MEIKIN: variants seen among roughly 807,000 people sequenced by gnomAD.
The protein encoded by MEIKIN is meiotic kinetochore factor, also known as meiosis-specific kinetochore protein.
rs149826644 is a variant in MEIKIN, at chr5:131,922,013, C to G, written c.479-72G>C. The G allele has an allele frequency of 2.9e-3, 1,143 of 397,226 alleles. 43 individuals are homozygous for G. In the Admixed American group the frequency reaches 0.046, roughly 16 times the overall value. 24.6% of individuals were successfully genotyped at this position (397,226 alleles called of 1,614,324 possible). The stretch of plus-strand genomic sequence containing the variant: ...ACAAATGATGGGTTACTCCCTACCC[C>G]ACCTTAGGCCCCCAGCCCATACTAA... On this transcript the variant is annotated intron_variant, in intron 5 of 12. Coordinates refer to ENST00000442687, the MANE Select transcript of MEIKIN (RefSeq NM_001303622.2).
At chr5:131,825,140 C>T (rs576332993) in intron 11 of MEIKIN, among the ~76,000 whole-genome samples, 10 of 152,110 alleles carry the variant, frequency 6.6e-5, no homozygotes, top group Admixed American at 1.3e-4. Context: ...GTCAAGGATA[C>T]GGTGATCCAT....
intron 3 of MEIKIN, among the ~76,000 whole-genome samples, chr5:131,943,624 T>A (rs1362358739): frequency 6.6e-6 from 1 of 152,226 alleles, no homozygotes; most frequent in Non-Finnish European, 1.5e-5. Context: ...CTGGTCATTT[T>A]TTTTAAAGCA....
chr5:131,933,437 T>C (rs185659766), intron 5 of MEIKIN, 76 bp downstream of exon 5: 1 of 391,054 alleles, frequency 2.6e-6, no homozygotes, highest in East Asian at 3.6e-5. Flanking sequence ...AAAGGGACGT[T>C]TATTCATTGG....
intron 9 of MEIKIN, among the ~76,000 whole-genome samples, chr5:131,872,796 T>A (rs961763887): frequency 2.6e-5 from 4 of 152,196 alleles, no homozygotes; most frequent in African/African-American, 9.6e-5. Context: ...TAACAGCTGA[T>A]CTCTCGGCAG....
At chr5:131,894,408 G>T (rs539426264) in intron 8 of MEIKIN, among the ~76,000 whole-genome samples, 107 of 152,218 alleles carry the variant, frequency 7.0e-4, no homozygotes, top group Non-Finnish European at 1.1e-3. Context: ...ATATGAACTT[G>T]AAAGTAGTTT....
At chr5:131,885,892 G>C (rs1215712831) in intron 8 of MEIKIN, among the ~76,000 whole-genome samples, 1 of 152,090 alleles carries the variant, frequency 6.6e-6, no homozygotes, top group Non-Finnish European at 1.5e-5. Context: ...GCTGTTTTGA[G>C]GAAATTCAAA....
At chr5:131,815,766 T>C (rs1180896491) in intron 12 of MEIKIN, among the ~76,000 whole-genome samples, 1 of 152,182 alleles carries the variant, frequency 6.6e-6, no homozygotes, top group Non-Finnish European at 1.5e-5. Context: ...AATGGAAAAC[T>C]ACAACAACCC....
At chr5:131,840,628 T>C (rs1749889020) in intron 11 of MEIKIN, among the ~76,000 whole-genome samples, 1 of 152,246 alleles carries the variant, frequency 6.6e-6, no homozygotes, top group Non-Finnish European at 1.5e-5. Flanking sequence ...TTCCTCAGCC[T>C]GGTCTATTCT....
intron 8 of MEIKIN, among the ~76,000 whole-genome samples, chr5:131,896,279 T>C (rs1188930502): frequency 6.6e-6 from 1 of 152,216 alleles, no homozygotes; most frequent in Non-Finnish European, 1.5e-5. Flanking sequence ...TTCTTTTTCA[T>C]GTGCTGAGGA....
chr5:131,916,501 G>A (rs1299111774), intron 7 of MEIKIN, among the ~76,000 whole-genome samples: 1 of 152,158 alleles, frequency 6.6e-6, no homozygotes, highest in Non-Finnish European at 1.5e-5. Flanking sequence ...CGGTACCTCA[G>A]TATTACCCCA....
At chr5:131,879,555 C>T (rs527887217) in intron 8 of MEIKIN, among the ~76,000 whole-genome samples, 19 of 152,314 alleles carry the variant, frequency 1.2e-4, no homozygotes, top group Non-Finnish European at 7.4e-5. Context: ...TCATCAAAAA[C>T]TTTCCTTGTA....
At chr5:131,875,420 AG>A (rs1341143428) in intron 9 of MEIKIN, among the ~76,000 whole-genome samples, 1 of 152,162 alleles carries the variant, frequency 6.6e-6, no homozygotes, top group Non-Finnish European at 1.5e-5. Flanking sequence ...TAAAATACCT[AG>A]GAATCCAACT....
At chr5:131,891,387 G>A (rs1460072675) in intron 8 of MEIKIN, among the ~76,000 whole-genome samples, 1 of 152,184 alleles carries the variant, frequency 6.6e-6, no homozygotes, top group Non-Finnish European at 1.5e-5. Flanking sequence ...CTTGCTTTAT[G>A]AATCTGGGTG....
chr5:131,889,315 T>A (rs187171389), intron 8 of MEIKIN, among the ~76,000 whole-genome samples: 1 of 152,350 alleles, frequency 6.6e-6, no homozygotes, highest in African/African-American at 2.4e-5. Flanking sequence ...ATGGCCACTT[T>A]CATGATATTG....
rs559222796 is a variant in MEIKIN at position 131,917,325 on chromosome 5, G to T, written c.599-400C>A. On this transcript the variant is annotated intron_variant, in intron 6 of 12. Transcript: ENST00000442687. Reference sequence around the variant, plus strand: ...TCACGCCTGTAATCCCAACACTTTTGGGGACCGAGGCAGGTGGATCACCTG... The same window carrying T: ...TCACGCCTGTAATCCCAACACTTTTTGGGACCGAGGCAGGTGGATCACCTG... 1.1e-4 allele frequency among the ~76,000 whole-genome samples: 17 copies of T among 152,132 alleles called. No homozygotes were observed. The South Asian group carries it at 3.5e-3, about 32-fold the overall frequency.
rs568430380 is a variant in MEIKIN at position 131,873,910 on chromosome 5, A to T, written c.774+5068T>A. Among the ~76,000 whole-genome samples, 8 of 152,342 alleles carry T rather than the reference A, an allele frequency of 5.3e-5. No homozygotes were observed. In the South Asian group the frequency reaches 1.7e-3, roughly 32 times the overall value. ...TGAATGACTACTGGGTAAATAATGAAATCAAGGCAGAAATAAAGATGTTCT... is the reference window on the plus strand; with the variant it reads ...TGAATGACTACTGGGTAAATAATGATATCAAGGCAGAAATAAAGATGTTCT... On this transcript the variant is annotated intron_variant, in intron 9 of 12. Coordinates refer to ENST00000442687, the MANE Select transcript of MEIKIN (RefSeq NM_001303622.2).
At chr5:131,905,704 CAATAGAGAAACAA>C (rs1363434657) in intron 8 of MEIKIN, among the ~76,000 whole-genome samples, 1 of 151,852 alleles carries the variant, frequency 6.6e-6, no homozygotes, top group Non-Finnish European at 1.5e-5. Context: ...ACACACAGAC[CAATAGAGAAACAA>C]AATAGAGAAC....
rs147863575 is a variant in MEIKIN, at chr5:131,917,236, C to T, written c.599-311G>A. On this transcript the variant is annotated intron_variant, in intron 6 of 12. Transcript: ENST00000442687. ...TCAGGTAAATATATCAATTTATTAT[C>T]CCCATTTTACATATAAGAAAAAAAT... Among the ~76,000 whole-genome samples, 482 of 152,084 alleles carry T rather than the reference C, an allele frequency of 3.2e-3. 3 individuals are homozygous for T. The highest frequency in any genetic ancestry group is 0.011 in the African/African-American group (459 of 41,476).
intron 6 of MEIKIN, among the ~76,000 whole-genome samples, chr5:131,918,268 T>G (rs1751447451): frequency 6.6e-6 from 1 of 152,240 alleles, no homozygotes; most frequent in Non-Finnish European, 1.5e-5. Context: ...AAGTTGCATT[T>G]GCACCTGATT....
Sources: allele counts gnomAD v4.1 joint callset (sites outside exome capture counted in the v4.1 genomes callset), GRCh38; gene constraint gnomAD v4.1.1; transcripts MANE v1.5; gene names NCBI Gene and HGNC (gene_info 2026-07-23, HGNC 2026-07-21).